Variants in PTN observed in about 807,000 individuals in gnomAD.
PTN encodes pleiotrophin, also known as heparin affin regulatory protein.
In PTN, 18 loss-of-function variants were observed where a neutral mutation model predicts 24.1. That is an observed-to-expected ratio of 0.75 (90% CI 0.52 to 1.11). The LOEUF is 1.11. Ranked by LOEUF, PTN falls within the 50% of genes least tolerant of loss-of-function variation. PTN has a pLI of 0.00. For synonymous variants in PTN, 78 were observed against 68.6 expected (o/e 1.14, Z -0.67); for missense variants, 163 against 198.8 (o/e 0.82, Z 1.08).
chr7:137,267,999 G>C (rs575925956), intron 1 of PTN, among the ~76,000 whole-genome samples: 115 of 147,480 alleles, frequency 7.8e-4, no homozygotes, highest in Non-Finnish European at 1.3e-3. Flanking sequence ...AAAAACCAAA[G>C]AGCCCATAAA....
intron 1 of PTN, among the ~76,000 whole-genome samples, chr7:137,329,754 C>T (rs1810319600): frequency 6.6e-6 from 1 of 152,084 alleles, no homozygotes; most frequent in Admixed American, 6.6e-5. Flanking sequence ...GGATTGAGTA[C>T]TATCTGCAAC....
intron 1 of PTN, among the ~76,000 whole-genome samples, chr7:137,322,342 A>T (rs919657551): frequency 6.6e-6 from 1 of 152,182 alleles, no homozygotes; most frequent in Non-Finnish European, 1.5e-5. Context: ...AATATAAAAC[A>T]TATCAGTTCA....
At chr7:137,341,769 A>T (rs1810537700) in intron 1 of PTN, among the ~76,000 whole-genome samples, 1 of 152,176 alleles carries the variant, frequency 6.6e-6, no homozygotes, top group Non-Finnish European at 1.5e-5. Flanking sequence ...TGGCAGAAAA[A>T]AGATCACCTT....
intron 1 of PTN, among the ~76,000 whole-genome samples, chr7:137,324,433 A>AAAAATATATAT: frequency 2.5e-4 from 22 of 88,756 alleles, no homozygotes; most frequent in East Asian, 1.8e-3. Flanking sequence ...AAAAAAAAAA[A>AAAAATATATAT]ATATATATAT....
intron 4 of PTN, among the ~76,000 whole-genome samples, chr7:137,249,824 AG>A (rs1204078331): frequency 6.6e-6 from 1 of 152,168 alleles, no homozygotes; most frequent in Non-Finnish European, 1.5e-5. Context: ...TGATCTGGAA[AG>A]GGCAGCCTGA....
intron 1 of PTN, among the ~76,000 whole-genome samples, chr7:137,288,675 G>A (rs1338228007): frequency 6.6e-6 from 1 of 152,170 alleles, no homozygotes; most frequent in Non-Finnish European, 1.5e-5. Flanking sequence ...CTAAGATCAA[G>A]TGTAGAGATG....
intron 1 of PTN, chr7:137,326,773 T>C (rs1419431665): frequency 6.6e-6 from 1 of 152,220 alleles, no homozygotes; most frequent in Non-Finnish European, 1.5e-5. Flanking sequence ...AGTGCATATC[T>C]AGTTCATTGC....
intron 1 of PTN, among the ~76,000 whole-genome samples, chr7:137,300,595 G>A (rs6977819): frequency 0.36 from 55,111 of 151,730 alleles, 10,855 homozygotes; most frequent in Non-Finnish European, 0.45. Context: ...GCCAAACCTG[G>A]AAGACATGAG....
At chr7:137,264,796 G>A (rs1809108609) in intron 1 of PTN, among the ~76,000 whole-genome samples, 1 of 152,140 alleles carries the variant, frequency 6.6e-6, no homozygotes, top group Non-Finnish European at 1.5e-5. Flanking sequence ...CACAGCATGG[G>A]GGGACTTTAG....
chr7:137,268,547 G>A (rs1809205220), intron 1 of PTN, among the ~76,000 whole-genome samples: 1 of 152,192 alleles, frequency 6.6e-6, no homozygotes, highest in Admixed American at 6.5e-5. Flanking sequence ...CAGGGGGTAC[G>A]TGATAGGGGC....
At chr7:137,341,850 G>GT (rs749170920) in intron 1 of PTN, among the ~76,000 whole-genome samples, 11 of 151,846 alleles carry the variant, frequency 7.2e-5, no homozygotes, top group Admixed American at 1.3e-4. Context: ...TGGCATTAGA[G>GT]TTTTTTTTAA....
At chr7:137,242,785 G>T (rs536222226) in intron 4 of PTN, among the ~76,000 whole-genome samples, 109 of 152,270 alleles carry the variant, frequency 7.2e-4, no homozygotes, top group Non-Finnish European at 1.2e-3. Flanking sequence ...TGCTCCATGG[G>T]CTGCACCGTC....
intron 1 of PTN, among the ~76,000 whole-genome samples, chr7:137,278,981 T>TAATAATAAA (rs1554466684): frequency 0.047 from 6,661 of 140,304 alleles, 452 homozygotes; most frequent in African/African-American, 0.15. Flanking sequence ...ATAATAATAA[T>TAATAATAAA]AAAATAAAGA....
At chr7:137,237,660 C>T (rs536944726) in intron 4 of PTN, among the ~76,000 whole-genome samples, 1 of 152,062 alleles carries the variant, frequency 6.6e-6, no homozygotes, top group Non-Finnish European at 1.5e-5. Context: ...AATTCTTTCA[C>T]CCCCCTTCAA....
chr7:137,313,817 C>A (rs1404090584), intron 1 of PTN, among the ~76,000 whole-genome samples: 2 of 152,120 alleles, frequency 1.3e-5, no homozygotes, highest in Non-Finnish European at 2.9e-5. Context: ...TACCGATAAG[C>A]TTCATTTAAT....
chr7:137,338,712 TA>T (rs1810486701), intron 1 of PTN, among the ~76,000 whole-genome samples: 1 of 152,214 alleles, frequency 6.6e-6, no homozygotes, highest in Admixed American at 6.5e-5. Context: ...TACCATATAG[TA>T]TGTCAGTCAC....
At chr7:137,258,197 T>C (rs1387856205) in intron 1 of PTN, among the ~76,000 whole-genome samples, 2 of 152,164 alleles carry the variant, frequency 1.3e-5, no homozygotes, top group African/African-American at 4.8e-5. Context: ...TAGAATAGTC[T>C]ACTAAACAAG....
intron 1 of PTN, chr7:137,325,829 C>A (rs569692920): frequency 6.6e-6 from 1 of 152,270 alleles, no homozygotes; most frequent in Admixed American, 6.5e-5. Context: ...AATGCAGTTA[C>A]TGAAATTATA....
intron 1 of PTN, among the ~76,000 whole-genome samples, chr7:137,312,495 A>C (rs980611174): frequency 2.0e-5 from 3 of 152,248 alleles, no homozygotes; most frequent in African/African-American, 7.2e-5. Flanking sequence ...GCATACTTGC[A>C]ATCTCCACAG....
Sources: allele counts gnomAD v4.1 joint callset (sites outside exome capture counted in the v4.1 genomes callset), GRCh38; gene constraint gnomAD v4.1.1; transcripts MANE v1.5; gene names NCBI Gene and HGNC (gene_info 2026-07-23, HGNC 2026-07-21).